Variants in PTPRD observed in about 807,000 individuals in gnomAD.
PTPRD encodes receptor-type tyrosine-protein phosphatase delta.
In PTPRD, 34 loss-of-function variants were observed where a neutral mutation model predicts 214.5. The ratio of observed to expected loss-of-function variants is 0.16; its 90% CI spans 0.12 to 0.21. The LOEUF (loss-of-function observed/expected upper bound fraction) is 0.21. Among genes scored for constraint, PTPRD ranks in the 10% least tolerant of loss-of-function variants. The probability of loss-of-function intolerance (pLI) is 1.00; values close to 1 mark genes in which losing one functional copy is unlikely to be tolerated. For missense variants in PTPRD, 2,545 were observed against 2,398.7 expected (o/e 1.06, Z -1.27); for synonymous variants, 1,128 against 845.7 (o/e 1.33, Z -5.79).
In PTPRD at chr9:10,464,560, G is replaced by T. The variant is rs148123411; in HGVS notation, c.-599-123543C>A. On this transcript the variant is annotated intron_variant, in intron 2 of 45. Coordinates refer to ENST00000381196, the MANE Select transcript of PTPRD (RefSeq NM_002839.4). ...ACCATTACAGCTACTTTGTGTGTGT[G>T]TGAGGAGAGCATACAGAATAAGGTA... Among the ~76,000 whole-genome samples the T allele has an allele frequency of 6.4e-4, 97 of 152,182 alleles. 2 individuals carry two copies. The highest frequency in any genetic ancestry group is 2.2e-3 in the African/African-American group (90 of 41,534).
At chr9:10,138,337 T>C (rs2098957223) in intron 3 of PTPRD, among the ~76,000 whole-genome samples, 1 of 151,780 alleles carries the variant, frequency 6.6e-6, no homozygotes, top group South Asian at 2.1e-4. Flanking sequence ...GATTGAACCA[T>C]GAAAAAATTA....
At chr9:8,592,107 A>C (rs1231055588) in intron 14 of PTPRD, among the ~76,000 whole-genome samples, 6 of 152,210 alleles carry the variant, frequency 3.9e-5, no homozygotes, top group African/African-American at 1.4e-4. Flanking sequence ...AAATTTTAAA[A>C]GAACTATGTG....
rs1385799027 is a variant in PTPRD at position 8,792,346 on chromosome 9, AT to A, written c.-103-58401del. ...GGGAAATGAGTTCCAGAACATACGCATTAAAAATGATAATAAATGCAGTCAC... is the reference window on the plus strand; with the variant it reads ...GGGAAATGAGTTCCAGAACATACGCATAAAAATGATAATAAATGCAGTCAC... On this transcript the variant is annotated intron_variant, in intron 11 of 45. Transcript: ENST00000381196. Among the ~76,000 whole-genome samples the A allele has an allele frequency of 2.6e-5, 4 of 152,244 alleles. 1 individual carries two copies. The highest frequency in any genetic ancestry group is 6.5e-5 in the Admixed American group (1 of 15,286).
chr9:8,778,608 G>T (rs899008278), intron 11 of PTPRD, among the ~76,000 whole-genome samples: 1 of 152,144 alleles, frequency 6.6e-6, no homozygotes, highest in African/African-American at 2.4e-5. Flanking sequence ...CTGCTTTGTT[G>T]AGGAAAGCAC....
At chr9:9,663,340 T>C (rs569890416) in intron 7 of PTPRD, among the ~76,000 whole-genome samples, 38 of 151,618 alleles carry the variant, frequency 2.5e-4, no homozygotes, top group African/African-American at 9.2e-4. Context: ...AATCACTAGT[T>C]ATATCAATAA....
chr9:9,232,274 A>G (rs1463564568), intron 9 of PTPRD, among the ~76,000 whole-genome samples: 1 of 152,190 alleles, frequency 6.6e-6, no homozygotes, highest in Non-Finnish European at 1.5e-5. Context: ...GAAAATCAAC[A>G]ATTGTCCCTG....
intron 10 of PTPRD, among the ~76,000 whole-genome samples, chr9:9,096,560 G>A (rs1430997502): frequency 2.0e-5 from 3 of 152,052 alleles, no homozygotes; most frequent in Admixed American, 6.5e-5. Context: ...TATTTTCCAG[G>A]TGAAGATATA....
intron 2 of PTPRD, among the ~76,000 whole-genome samples, chr9:10,511,931 CGTGT>C (rs1566639705): frequency 1.6e-5 from 1 of 63,808 alleles, no homozygotes; most frequent in South Asian, 6.4e-4. Flanking sequence ...TATATATATA[CGTGT>C]ATATATATAT....
intron 12 of PTPRD, among the ~76,000 whole-genome samples, chr9:8,683,745 T>C (rs907540759): frequency 6.6e-6 from 1 of 152,210 alleles, no homozygotes; most frequent in African/African-American, 2.4e-5. Context: ...TGATGCTATG[T>C]GAGTTCCCAG....
At chr9:9,109,717 T>C (rs1354264341) in intron 10 of PTPRD, among the ~76,000 whole-genome samples, 1 of 152,144 alleles carries the variant, frequency 6.6e-6, no homozygotes, top group African/African-American at 2.4e-5. Context: ...TCTTCTTGGA[T>C]GATATCTTTC....
rs968721983 is a variant in PTPRD at position 8,941,023 on chromosome 9, T to C, written c.-104+77674A>G. Among the ~76,000 whole-genome samples, 7 of 152,248 alleles carry C rather than the reference T, an allele frequency of 4.6e-5. No individual in the cohort carries two copies. In the South Asian group the frequency reaches 1.0e-3, roughly 23 times the overall value. ...CATCTTGAAGATTTAGACATTATCA[T>C]GGCACAGCAGTAATAACCCATCAGG... On this transcript the variant is annotated intron_variant, in intron 11 of 45. Coordinates refer to ENST00000381196, the MANE Select transcript of PTPRD (RefSeq NM_002839.4).
chr9:9,849,536 A>G (rs997064926), intron 5 of PTPRD, among the ~76,000 whole-genome samples: 8 of 152,140 alleles, frequency 5.3e-5, no homozygotes, highest in African/African-American at 9.7e-5. Context: ...AGTTTTGAAA[A>G]GAATGATGAT....
intron 14 of PTPRD, among the ~76,000 whole-genome samples, chr9:8,551,452 C>A (rs916647106): frequency 9.9e-5 from 15 of 152,212 alleles, no homozygotes; most frequent in African/African-American, 2.9e-4. Flanking sequence ...TATGGCAGAT[C>A]TTTTTTCTTT....
chr9:9,880,744 A>T (rs1484619653), intron 5 of PTPRD, among the ~76,000 whole-genome samples: 2 of 152,128 alleles, frequency 1.3e-5, no homozygotes, highest in Non-Finnish European at 2.9e-5. Flanking sequence ...AGCAGATGCT[A>T]TTTAGTGGTG....
intron 10 of PTPRD, among the ~76,000 whole-genome samples, chr9:9,073,114 T>G (rs1421294335): frequency 6.6e-6 from 1 of 152,178 alleles, no homozygotes; most frequent in Non-Finnish European, 1.5e-5. Flanking sequence ...GAGAGAATGT[T>G]GAGGGAAACA....
At chr9:8,662,656 C>T (rs552077066) in intron 12 of PTPRD, among the ~76,000 whole-genome samples, 2 of 152,268 alleles carry the variant, frequency 1.3e-5, no homozygotes, top group East Asian at 3.9e-4. Context: ...ACCAATTCAC[C>T]ATAGGCCCCA....
intron 5 of PTPRD, among the ~76,000 whole-genome samples, chr9:9,919,016 T>A (rs1337671841): frequency 6.6e-6 from 1 of 152,162 alleles, no homozygotes; most frequent in Non-Finnish European, 1.5e-5. Context: ...CTAATCTTGA[T>A]GTTGAGGAGA....
chr9:10,546,015 T>C (rs981436630), intron 2 of PTPRD, among the ~76,000 whole-genome samples: 1 of 152,082 alleles, frequency 6.6e-6, no homozygotes, highest in African/African-American at 2.4e-5. Context: ...GTAACATTTT[T>C]TTTAAAACCC....
chr9:8,384,498 C>T (rs967991303), intron 37 of PTPRD, among the ~76,000 whole-genome samples: 2 of 152,092 alleles, frequency 1.3e-5, no homozygotes, highest in East Asian at 1.9e-4. Flanking sequence ...CTCATGCTTT[C>T]CCTTCAAAAT....
Sources: gnomAD v4.1 joint callset for allele counts (sites outside exome capture counted in the v4.1 genomes callset) on GRCh38, gnomAD v4.1.1 for gene constraint, MANE v1.5 for transcripts, NCBI Gene and HGNC (gene_info 2026-07-23, HGNC 2026-07-21) for gene names.